Variants in CTNNA3 observed in about 807,000 individuals in gnomAD.
CTNNA3 encodes catenin alpha-3.
Under a neutral mutation model 95.7 loss-of-function variants are expected in CTNNA3, and 76 were observed. The ratio of observed to expected loss-of-function variants is 0.79; its 90% CI spans 0.66 to 0.96. CTNNA3 has a LOEUF of 0.96. Ranked by LOEUF, CTNNA3 falls within the 40% of genes least tolerant of loss-of-function variation. The probability of loss-of-function intolerance (pLI) is 0.00; values close to 1 mark genes in which losing one functional copy is unlikely to be tolerated. For synonymous variants in CTNNA3, 431 were observed against 374.4 expected (o/e 1.15, Z -1.74); for missense variants, 1,191 against 1,089.8 (o/e 1.09, Z -1.31).
chr10:66,489,563 CGCATGCACACACACACTTGT>C (rs542469549), intron 11 of CTNNA3, among the ~76,000 whole-genome samples: 6 of 152,074 alleles, frequency 3.9e-5, no homozygotes, highest in Admixed American at 6.5e-5. Context: ...CACACACTTG[CGCATGCACACACACACTTGT>C]GCATGCACAC....
At chr10:67,484,361 T>C (rs1328993717) in intron 5 of CTNNA3, among the ~76,000 whole-genome samples, 1 of 152,036 alleles carries the variant, frequency 6.6e-6, no homozygotes, top group Non-Finnish European at 1.5e-5. Context: ...CCTCAAACTA[T>C]AGGATTTCCT....
chr10:66,974,087 G>A (rs927460085), intron 7 of CTNNA3, among the ~76,000 whole-genome samples: 2 of 152,136 alleles, frequency 1.3e-5, no homozygotes, highest in African/African-American at 2.4e-5. Context: ...GAGTCTCTCT[G>A]TAGTCAGTCT....
intron 5 of CTNNA3, among the ~76,000 whole-genome samples, chr10:67,450,966 A>G (rs1846957089): frequency 6.6e-6 from 1 of 152,074 alleles, no homozygotes; most frequent in African/African-American, 2.4e-5. Context: ...AGTGTCCCCA[A>G]AGTTCATGTG....
intron 5 of CTNNA3, among the ~76,000 whole-genome samples, chr10:67,410,631 C>CAA (rs61451586): frequency 8.6e-5 from 10 of 116,858 alleles, no homozygotes; most frequent in East Asian, 4.6e-4. Context: ...TCCCCCCACC[C>CAA]AAAAAAAAAA....
chr10:66,408,837 G>T (rs1319967542), intron 11 of CTNNA3, among the ~76,000 whole-genome samples: 1 of 152,106 alleles, frequency 6.6e-6, no homozygotes, highest in African/African-American at 2.4e-5. Flanking sequence ...CTGGAATGGA[G>T]AGATATTTTT....
intron 5 of CTNNA3, among the ~76,000 whole-genome samples, chr10:67,512,664 G>A (rs192267122): frequency 1.3e-5 from 2 of 151,542 alleles, no homozygotes; most frequent in African/African-American, 2.4e-5. Flanking sequence ...TGTCTACAGT[G>A]TTGTAATATT....
At chr10:67,237,751 G>C (rs1865556385) in intron 5 of CTNNA3, among the ~76,000 whole-genome samples, 2 of 152,256 alleles carry the variant, frequency 1.3e-5, no homozygotes, top group South Asian at 4.1e-4. Context: ...AGGTAGGCAA[G>C]AGACATTTCA....
chr10:66,045,093 G>A (rs2079801543), intron 15 of CTNNA3, among the ~76,000 whole-genome samples: 1 of 152,168 alleles, frequency 6.6e-6, no homozygotes, highest in African/African-American at 2.4e-5. Flanking sequence ...ATATATGCCA[G>A]GGAAGATTCA....
chr10:66,688,121 C>T (rs1847370296), intron 9 of CTNNA3, among the ~76,000 whole-genome samples: 1 of 152,092 alleles, frequency 6.6e-6, no homozygotes, highest in African/African-American at 2.4e-5. Flanking sequence ...GACTTCTTCC[C>T]TGGTAGACAA....
chr10:67,263,575 A>C (rs1015158792), intron 5 of CTNNA3, among the ~76,000 whole-genome samples: 23 of 152,188 alleles, frequency 1.5e-4, no homozygotes, highest in African/African-American at 5.5e-4. Flanking sequence ...AAGTGATACC[A>C]GAAGACCTCG....
chr10:66,981,035 T>C (rs1850406944), intron 7 of CTNNA3, among the ~76,000 whole-genome samples: 1 of 152,136 alleles, frequency 6.6e-6, no homozygotes, highest in Non-Finnish European at 1.5e-5. Flanking sequence ...GCCTCCCTAG[T>C]AGCTGGATTA....
At chr10:67,156,432 C>G (rs1447084853) in intron 7 of CTNNA3, among the ~76,000 whole-genome samples, 2 of 151,682 alleles carry the variant, frequency 1.3e-5, no homozygotes, top group African/African-American at 4.8e-5. Context: ...AAACTTCCCT[C>G]TTAGTACTGG....
chr10:67,078,383 AAATG>A lies in CTNNA3; in HGVS notation c.1047+101930_1047+101933del, dbSNP rs1292876192. On this transcript the variant is annotated intron_variant, in intron 7 of 17. Transcript: ENST00000433211. ...GTGTGTGAATATTTGTTCTGTAAGG[AAATG>A]AGAAAGAAAATGATCAGAAAGAAAA... Among the ~76,000 whole-genome samples, 6 of 152,360 alleles carry A rather than the reference AAATG, an allele frequency of 3.9e-5. No homozygotes were observed. In the South Asian group the frequency reaches 1.2e-3, roughly 32 times the overall value.
intron 9 of CTNNA3, among the ~76,000 whole-genome samples, chr10:66,763,280 G>GCAGTACTT (rs567699107): frequency 4.3e-4 from 63 of 147,790 alleles, no homozygotes; most frequent in South Asian, 3.9e-3. Context: ...GGAGATAAAT[G>GCAGTACTT]CAGTACTTTT....
intron 1 of CTNNA3, among the ~76,000 whole-genome samples, chr10:67,654,911 T>G (rs966698689): frequency 6.6e-6 from 1 of 152,198 alleles, no homozygotes; most frequent in African/African-American, 2.4e-5. Flanking sequence ...TTTGTGAACA[T>G]TCAAAATTCC....
At chr10:67,693,611 A>G (rs1840910856) in intron 1 of CTNNA3, among the ~76,000 whole-genome samples, 1 of 152,242 alleles carries the variant, frequency 6.6e-6, no homozygotes, top group African/African-American at 2.4e-5. Flanking sequence ...ACTGAATAAT[A>G]AAAACTTCAC....
rs59187647 is a variant in CTNNA3, at chr10:66,634,572, G to GGTGTGTGTGTGT, written c.1282-12800_1282-12789dup. Among the ~76,000 whole-genome samples the GGTGTGTGTGTGT allele has an allele frequency of 7.2e-3, 1,046 of 146,162 alleles. 14 individuals are homozygous for GGTGTGTGTGTGT. Among genetic ancestry groups the GGTGTGTGTGTGT allele is most frequent in the African/African-American group, 0.021 (838 of 39,406 alleles). On this transcript the variant is annotated intron_variant, in intron 9 of 17. Coordinates refer to ENST00000433211, the MANE Select transcript of CTNNA3 (RefSeq NM_013266.4). ...ATGTTTGGAAAGGTACTCTGTGCAT[G>GGTGTGTGTGTGT]GTGTGTGTGTGTGTGTGTGTGTGTG...
intron 11 of CTNNA3, among the ~76,000 whole-genome samples, chr10:66,507,935 C>T (rs1840509363): frequency 6.8e-6 from 1 of 147,186 alleles, no homozygotes; most frequent in Non-Finnish European, 1.5e-5. Context: ...ATAGTATTTT[C>T]CATAATAAAT....
At chr10:66,704,148 T>G (rs1848043435) in intron 9 of CTNNA3, among the ~76,000 whole-genome samples, 1 of 152,062 alleles carries the variant, frequency 6.6e-6, no homozygotes, top group African/African-American at 2.4e-5. Flanking sequence ...CTGTATACGG[T>G]GTTTTTCTAT....
Sources: allele counts gnomAD v4.1 joint callset (sites outside exome capture counted in the v4.1 genomes callset), GRCh38; gene constraint gnomAD v4.1.1; transcripts MANE v1.5; gene names NCBI Gene and HGNC (gene_info 2026-07-23, HGNC 2026-07-21).